DGKB: variants seen among roughly 807,000 people sequenced by gnomAD.
DGKB encodes diacylglycerol kinase beta.
DGKB carries 67 observed loss-of-function variants against 114.3 expected under a neutral mutation model. The ratio of observed to expected loss-of-function variants is 0.59; its 90% CI spans 0.48 to 0.72. The LOEUF is 0.72. DGKB is among the 30% of genes least tolerant of loss of function. DGKB has a pLI of 0.00. For missense variants in DGKB, 907 were observed against 975.2 expected, an observed-to-expected ratio of 0.93 and a Z score of 0.93; for synonymous variants, 398 against 323.1, an observed-to-expected ratio of 1.23 and a Z score of -2.49.
At chr7:14,821,603 A>C (rs768913194) in intron 2 of DGKB, among the ~76,000 whole-genome samples, 1 of 152,198 alleles carries the variant, frequency 6.6e-6, no homozygotes, top group African/African-American at 2.4e-5. Context: ...CGTAGAAGGC[A>C]AAAGAAAGTG....
chr7:14,403,890 A>G (rs2128731013), intron 21 of DGKB, among the ~76,000 whole-genome samples: 1 of 152,042 alleles, frequency 6.6e-6, no homozygotes, highest in South Asian at 2.1e-4. Context: ...TCACCTAAGG[A>G]TGATGTCCCT....
chr7:14,733,774 AAAGG>A lies in DGKB; in HGVS notation c.322+2263_322+2266del, dbSNP rs879318043. On this transcript the variant is annotated intron_variant, in intron 5 of 25. Transcript: ENST00000402815. ...AGAAGAAAGAAAGAAAGAAAGAAAG[AAAGG>A]AAGAAAGAAAGAAGGGAGAGAGGGA... Among the ~76,000 whole-genome samples the A allele has an allele frequency of 4.7e-4, 70 of 148,246 alleles. No individual in the cohort carries two copies. In the South Asian group the frequency reaches 0.011, roughly 22 times the overall value.
intron 13 of DGKB, among the ~76,000 whole-genome samples, chr7:14,633,531 T>C (rs775276083): frequency 1.3e-5 from 2 of 151,960 alleles, no homozygotes; most frequent in Non-Finnish European, 2.9e-5. Context: ...CCATGGTACT[T>C]AGATCTAAAA....
At chr7:14,366,499 G>T (rs1816697072) in intron 21 of DGKB, among the ~76,000 whole-genome samples, 1 of 152,140 alleles carries the variant, frequency 6.6e-6, no homozygotes. Flanking sequence ...TGACCTATGG[G>T]AAGCTAACAT....
intron 20 of DGKB, among the ~76,000 whole-genome samples, chr7:14,499,073 C>T (rs147019569): frequency 4.7e-4 from 71 of 151,804 alleles, no homozygotes; most frequent in African/African-American, 1.7e-3. Flanking sequence ...TAGAGATGGG[C>T]ATCATTCTAA....
chr7:14,524,780 A>C (rs567402840), intron 20 of DGKB, among the ~76,000 whole-genome samples: 1 of 151,822 alleles, frequency 6.6e-6, no homozygotes, highest in African/African-American at 2.4e-5. Context: ...AAAAGATTCT[A>C]ATTTAAATGT....
At chr7:14,202,891 G>C (rs962609949) in intron 23 of DGKB, among the ~76,000 whole-genome samples, 4 of 151,782 alleles carry the variant, frequency 2.6e-5, no homozygotes, top group African/African-American at 9.7e-5. Context: ...TATTACACAT[G>C]TTTTTCAGCA....
At chr7:14,442,476 T>G (rs2128815033) in intron 21 of DGKB, among the ~76,000 whole-genome samples, 1 of 152,250 alleles carries the variant, frequency 6.6e-6, no homozygotes, top group African/African-American at 2.4e-5. Context: ...CTCTAGGTTT[T>G]TATTCTATAA....
At chr7:14,194,682 C>T (rs1318824272) in intron 23 of DGKB, among the ~76,000 whole-genome samples, 3 of 151,858 alleles carry the variant, frequency 2.0e-5, no homozygotes, top group South Asian at 2.1e-4. Flanking sequence ...TATATATGTA[C>T]ACAGAAATAC....
At chr7:14,328,294 GTTC>G (rs1182590555) in intron 23 of DGKB, among the ~76,000 whole-genome samples, 67 of 152,012 alleles carry the variant, frequency 4.4e-4, no homozygotes, top group Admixed American at 4.1e-3. Flanking sequence ...ATTATTTAAT[GTTC>G]TTCGTTATTC....
chr7:14,630,604 C>T (rs1242577784), intron 13 of DGKB, among the ~76,000 whole-genome samples: 1 of 151,792 alleles, frequency 6.6e-6, no homozygotes, highest in Non-Finnish European at 1.5e-5. Flanking sequence ...TTTAATTTGC[C>T]CCTTTACCCA....
At chr7:14,209,542 C>A in intron 23 of DGKB, 1 of 501,146 alleles carries the variant, frequency 2.0e-6, no homozygotes, top group East Asian at 5.8e-5. Flanking sequence ...CTGCACAGAG[C>A]TCCACTCCTA....
At chr7:14,530,131 G>A (rs1791320097) in intron 20 of DGKB, among the ~76,000 whole-genome samples, 1 of 151,480 alleles carries the variant, frequency 6.6e-6, no homozygotes, top group Non-Finnish European at 1.5e-5. Context: ...CTTCTAAAAT[G>A]GAAATGCCAT....
chr7:14,358,969 A>T (rs1430354066), intron 21 of DGKB, among the ~76,000 whole-genome samples: 1 of 152,154 alleles, frequency 6.6e-6, no homozygotes, highest in Non-Finnish European at 1.5e-5. Flanking sequence ...TATGGGACCA[A>T]AAAAGAGCCT....
chr7:14,619,830 T>G (rs1370541464), intron 15 of DGKB, among the ~76,000 whole-genome samples: 1 of 151,638 alleles, frequency 6.6e-6, no homozygotes, highest in Non-Finnish European at 1.5e-5. Flanking sequence ...TTAAACAAGC[T>G]AATATGTATA....
rs1439921824 is a variant in DGKB, at chr7:14,146,258, A to G, written c.*2873T>C. On this transcript the variant is annotated 3_prime_UTR_variant, in exon 26 of 26. Coordinates refer to ENST00000402815, the MANE Select transcript of DGKB (RefSeq NM_001350709.2). ...AGATACCTCCCTTCCTATCTCTTAG[A>G]AGCGTGGATATCAAGGTTTACTCTG... The G allele has an allele frequency of 6.6e-6, 1 of 152,188 alleles. No individual in the cohort carries two copies. The highest frequency in any genetic ancestry group is 1.5e-5 in the Non-Finnish European group (1 of 68,024). 9.4% of individuals were successfully genotyped at this position (152,188 alleles called of 1,614,324 possible).
chr7:14,955,249 T>A (rs1216228942), intron 1 of DGKB, among the ~76,000 whole-genome samples: 1 of 152,098 alleles, frequency 6.6e-6, no homozygotes, highest in African/African-American at 2.4e-5. Flanking sequence ...ATTACCATTG[T>A]TCCAGTTTCA....
chr7:14,583,629 G>T (rs1277975420), intron 17 of DGKB, among the ~76,000 whole-genome samples: 2 of 152,076 alleles, frequency 1.3e-5, no homozygotes, highest in African/African-American at 4.8e-5. Flanking sequence ...ACTGCAACTG[G>T]GGTTCTAGCC....
At chr7:14,266,172 A>C (rs916586287) in intron 23 of DGKB, among the ~76,000 whole-genome samples, 1 of 152,176 alleles carries the variant, frequency 6.6e-6, no homozygotes, top group African/African-American at 2.4e-5. Context: ...AGCTGGTTTT[A>C]AAATACTGTT....
Sources: allele counts gnomAD v4.1 joint callset (sites outside exome capture counted in the v4.1 genomes callset), GRCh38; gene constraint gnomAD v4.1.1; transcripts MANE v1.5; gene names NCBI Gene and HGNC (gene_info 2026-07-23, HGNC 2026-07-21).